The following CRAMP1 variants were observed in gnomAD, a reference collection of about 807,000 sequenced individuals.
CRAMP1 encodes the protein cramped chromatin regulator 1, also known as protein cramped-like.
A neutral mutation model predicts 115.4 loss-of-function variants in CRAMP1; 50 were observed. The observed-to-expected ratio is 0.43, with a 90% confidence interval of 0.35 to 0.55. The LOEUF (loss-of-function observed/expected upper bound fraction) is 0.55, where lower values mean the gene tolerates loss of function less well. Ranked by LOEUF, CRAMP1 falls within the 20% of genes least tolerant of loss-of-function variation. The pLI, the probability that CRAMP1 is intolerant of heterozygous loss-of-function variation, is 0.01. For missense variants in CRAMP1, 1,679 were observed against 1,721.7 expected (o/e 0.98, Z 0.44); for synonymous variants, 866 against 745.4 (o/e 1.16, Z -2.64).
intron 8 of CRAMP1, among the ~76,000 whole-genome samples, chr16:1,653,796 G>A (rs2036745121): frequency 6.7e-6 from 1 of 148,430 alleles, no homozygotes; most frequent in African/African-American, 2.5e-5. Flanking sequence ...ACTCCAGCCT[G>A]GGTGATAGAG....
intron 2 of CRAMP1, among the ~76,000 whole-genome samples, chr16:1,618,204 C>G (rs777524127): frequency 1.3e-5 from 2 of 152,218 alleles, no homozygotes; most frequent in Admixed American, 6.5e-5. Context: ...ATCGCTTGAA[C>G]CCGGGAGGCG....
rs2036397664 is a variant in CRAMP1 at position 1,614,393 on chromosome 16, G to A, written c.-1-246G>A. On this transcript the variant is annotated intron_variant, in intron 1 of 20. Coordinates refer to ENST00000397412, the MANE Select transcript of CRAMP1 (RefSeq NM_020825.4). The surrounding 1 kb of genome is among the most constrained non-coding windows in gnomAD (Gnocchi z 4.4). The stretch of plus-strand genomic sequence containing the variant: ...CCGCCGCCGGCCCGGGCGTCTGGAC[G>A]CGAGCCTCGGCCAGGGGGCGTCCGG... Among the ~76,000 whole-genome samples, 1 of 144,608 alleles carries A rather than the reference G, an allele frequency of 6.9e-6. No homozygotes were observed. The allele number at this position is 144,608 out of a possible 152,430, so 94.9% of individuals were successfully genotyped here. A position where few individuals can be genotyped will look rare whatever the true frequency, so the allele number is the denominator to read the frequency against.
intron 8 of CRAMP1, 31 bp from the exon 9 acceptor site, chr16:1,655,188 C>T (rs780790924): frequency 7.6e-6 from 12 of 1,580,108 alleles, no homozygotes; most frequent in Non-Finnish European, 8.7e-7. Context: ...GTTCTGCGAA[C>T]CTCACTTCCT....
chr16:1,665,656 G>T, intron 14 of CRAMP1: 1 of 222,408 alleles, frequency 4.5e-6, no homozygotes, highest in South Asian at 8.2e-5. Flanking sequence ...GCTGTCAATT[G>T]CTTTTTCTCT....
intron 5 of CRAMP1, among the ~76,000 whole-genome samples, chr16:1,638,971 G>A (rs912352481): frequency 4.6e-5 from 7 of 151,948 alleles, no homozygotes; most frequent in Admixed American, 6.6e-5. Flanking sequence ...TCTCCAGCCC[G>A]CACTCATGTC....
At position 1,666,418 on chromosome 16, in the gene CRAMP1, C is replaced by T. The variant is rs139927379; in HGVS notation, c.2858-4C>T. On this transcript the variant is annotated splice_region_variant and splice_polypyrimidine_tract_variant and intron_variant, in intron 15 of 20. Coordinates refer to ENST00000397412, the MANE Select transcript of CRAMP1 (RefSeq NM_020825.4). This position sits in a 1 kb window ranked among gnomAD's most constrained non-coding sequence, Gnocchi z 5.0. ...GAGATGTGCAGCGTCCTTTTTGTTGCCAGGTGCTATCGACTTAGCAGCTAC... is the reference window on the plus strand; with the variant it reads ...GAGATGTGCAGCGTCCTTTTTGTTGTCAGGTGCTATCGACTTAGCAGCTAC... 1.6e-5 allele frequency: 26 copies of T among 1,611,176 alleles called. No homozygotes were observed. In the East Asian group the frequency reaches 5.6e-4, roughly 35 times the overall value.
intron 10 of CRAMP1, among the ~76,000 whole-genome samples, chr16:1,658,559 GGACA>G (rs989629130): frequency 4.6e-5 from 7 of 152,266 alleles, no homozygotes; most frequent in Middle Eastern, 3.4e-3. Flanking sequence ...CTGGCAGACT[GGACA>G]GACAGACAGA....
chr16:1,650,350 A>C (rs1188628959), intron 6 of CRAMP1, among the ~76,000 whole-genome samples: 1 of 152,224 alleles, frequency 6.6e-6, no homozygotes, highest in Non-Finnish European at 1.5e-5. Flanking sequence ...AGTCATCTGG[A>C]GAGTCCCTCC....
intron 2 of CRAMP1, 65 bp downstream of exon 2, chr16:1,615,050 A>T: frequency 4.0e-6 from 4 of 994,356 alleles, no homozygotes; most frequent in Non-Finnish European, 5.2e-6. Flanking sequence ...GGGGAGAGGA[A>T]CCCCTCGCCC....
chr16:1,614,737 C>T lies in CRAMP1; in HGVS notation c.98C>T (p.Ala33Val). 3 of 1,368,868 alleles carry T rather than the reference C, an allele frequency of 2.2e-6. No individual in the cohort carries two copies. Among genetic ancestry groups the T allele is most frequent in the South Asian group, 1.9e-5 (1 of 53,726 alleles). 84.8% of individuals were successfully genotyped at this position (1,368,868 alleles called of 1,614,324 possible). ...GAGGAGTCCCTGGAAGGAGAAGGGGCCGGCGGCGCAGACGCGGCCGAGGAG... is the reference window on the plus strand; with the variant it reads ...GAGGAGTCCCTGGAAGGAGAAGGGGTCGGCGGCGCAGACGCGGCCGAGGAG... ...ADEESLEGEG[A>V]GGADAAEESS... Residue 33 changes from alanine to valine, a missense_variant, in exon 2 of 21, where the codon GCC becomes GTC. Ala to Val is a moderately conservative substitution (Grantham distance 64). Around this residue, in one of 8 missense-constraint regions of CRAMP1, gnomAD observed 264 missense variants for 229.7 expected, o/e 1.15. Coordinates refer to ENST00000397412, the MANE Select transcript of CRAMP1 (RefSeq NM_020825.4). The surrounding 1 kb of genome is among the most constrained non-coding windows in gnomAD (Gnocchi z 4.4).
Position 1,674,044 on chromosome 16 carries a change from G to T in CRAMP1, c.3809G>T (p.Ter1270LeuextTer18). ...CCCGCTGTCAGTGACCTGTCCCAGT[G>T]ACCACACGTCCTGGTGGCGGATGAA... is the stretch of plus-strand genomic sequence containing the variant. The part of the protein sequence containing the change: ...GGPAVSDLSQ[*>L] The change falls in exon 21 of 21, where the codon TGA (stop) becomes TTA (leucine). Residue 1270 changes from the stop codon to leucine (L), a stop_lost. Coordinates refer to ENST00000397412, the MANE Select transcript of CRAMP1 (RefSeq NM_020825.4). 2 of 1,611,658 alleles carry T rather than the reference G, an allele frequency of 1.2e-6. No homozygotes were observed. Among genetic ancestry groups the T allele is most frequent in the South Asian group, 2.2e-5 (2 of 90,892 alleles).
At chr16:1,634,034 A>T in intron 4 of CRAMP1, among the ~76,000 whole-genome samples, 1 of 152,118 alleles carries the variant, frequency 6.6e-6, no homozygotes, top group Non-Finnish European at 1.5e-5. Flanking sequence ...CTCAAAAAAA[A>T]AAAAAGAAAG....
chr16:1,654,958 G>A (rs974269396), intron 8 of CRAMP1, among the ~76,000 whole-genome samples: 9 of 152,258 alleles, frequency 5.9e-5, no homozygotes, highest in Non-Finnish European at 1.2e-4. Context: ...ACGCCCTGGC[G>A]GAGACCTTTT....
At chr16:1,627,910 C>T (rs1237305859) in intron 3 of CRAMP1, among the ~76,000 whole-genome samples, 3 of 152,096 alleles carry the variant, frequency 2.0e-5, no homozygotes, top group Non-Finnish European at 4.4e-5. Context: ...ACAATTACTC[C>T]TGTGGTGTGG....
At chr16:1,670,628 G>C (rs767043928) in intron 19 of CRAMP1, 36 bp from the exon 20 acceptor site, 2 of 1,611,294 alleles carry the variant, frequency 1.2e-6, no homozygotes, top group South Asian at 2.2e-5. Context: ...GACCAAGCAG[G>C]GTTCAGGGTG....
Position 1,655,936 on chromosome 16 carries a change from G to T in CRAMP1, c.1179G>T (p.Lys393Asn). 1 of 1,613,132 alleles carries T rather than the reference G, an allele frequency of 6.2e-7. No homozygotes were observed. The highest frequency in any genetic ancestry group is 1.7e-5 in the Admixed American group (1 of 60,032). ...CATGCTCCGCACCGATGCAGGAGAA[G>T]GTGACACTGCACTTGTTCCCAGGCG... ...QDSCSAPMQE[K>N]VTLHLFPGEN... The change falls in exon 10 of 21, where the codon AAG becomes AAT. Residue 393 changes from lysine to asparagine, a missense_variant. By Grantham distance (94) the Lys-to-Asn change is moderately conservative. This residue lies in a region of CRAMP1 where 191 missense variants were observed against 236.2 expected (regional missense o/e 0.81). Coordinates refer to ENST00000397412, the MANE Select transcript of CRAMP1 (RefSeq NM_020825.4).
At position 1,677,891 on chromosome 16, in the gene CRAMP1, A is replaced by T. The variant is rs1222038901; in HGVS notation, c.*3846A>T. On this transcript the variant is annotated 3_prime_UTR_variant, in exon 21 of 21. Transcript: ENST00000397412. ...AAATGTTTTTATTGTGCATAAATAC[A>T]TACTAATGTTGATCTAAGGACTGTC... 6.0e-6 allele frequency: 1 copy of T among 166,220 alleles called. No homozygotes were observed. The highest frequency in any genetic ancestry group is 2.4e-5 in the African/African-American group (1 of 42,022). 10.3% of individuals were successfully genotyped at this position (166,220 alleles called of 1,614,324 possible).
intron 10 of CRAMP1, among the ~76,000 whole-genome samples, chr16:1,659,609 G>A (rs555952158): frequency 1.2e-4 from 19 of 152,198 alleles, no homozygotes; most frequent in African/African-American, 4.1e-4. Flanking sequence ...GGATGGTCTC[G>A]ATCTCCTGAC....
chr16:1,626,986 G>C (rs2036513399), intron 3 of CRAMP1, among the ~76,000 whole-genome samples: 1 of 152,168 alleles, frequency 6.6e-6, no homozygotes, highest in African/African-American at 2.4e-5. Flanking sequence ...GCCAGCCACT[G>C]CTCTGCTTGG....
Sources: gnomAD v4.1 joint callset for allele counts (sites outside exome capture counted in the v4.1 genomes callset) on GRCh38, gnomAD v4.1.1 for gene constraint, gnomAD v4.1.1 regional missense constraint, Gnocchi (gnomAD v3.1) non-coding constraint, MANE v1.5 for transcripts, NCBI Gene and HGNC (gene_info 2026-07-23, HGNC 2026-07-21) for gene names.